The following ASPRV1 variants were observed in gnomAD, a reference collection of about 807,000 sequenced individuals.
ASPRV1 encodes the protein retroviral-like aspartic protease 1.
ASPRV1 carries 7 observed loss-of-function variants against 11.0 expected under a neutral mutation model. The observed-to-expected ratio is 0.64, with a 90% CI of 0.36 to 1.20. ASPRV1 has a LOEUF of 1.20. ASPRV1 is among the 50% of genes most tolerant of loss of function. The probability of loss-of-function intolerance (pLI) is 0.02; values close to 1 mark genes in which losing one functional copy is unlikely to be tolerated. For synonymous variants in ASPRV1, 136 were observed against 138.4 expected, an observed-to-expected ratio of 0.98 and a Z score of 0.12; for missense variants, 299 against 320.0, an observed-to-expected ratio of 0.93 and a Z score of 0.50.
chr2:70,004,473 T>C, the ASPRV1 span, among the ~76,000 whole-genome samples: 2 of 138,610 alleles, frequency 1.4e-5, no homozygotes, highest in Non-Finnish European at 3.0e-5. Context: ...GAGGTTGCAG[T>C]GAGCTGAGAT....
In ASPRV1 at chr2:69,961,441, C is replaced by T. The variant is rs764164461; in HGVS notation, c.-5G>A. On this transcript the variant is annotated 5_prime_UTR_variant, in exon 1 of 1. Coordinates refer to ENST00000320256, the MANE Select transcript of ASPRV1 (RefSeq NM_152792.4). ...CCTGGCTCCGCTCCCGGCCATCCTGCTGCTCTCCTCTGGAACCTCAGCAGC... is the reference window on the plus strand; with the variant it reads ...CCTGGCTCCGCTCCCGGCCATCCTGTTGCTCTCCTCTGGAACCTCAGCAGC... The T allele has an allele frequency of 1.9e-6, 3 of 1,614,124 alleles. No homozygotes were observed. The highest frequency in any genetic ancestry group is 1.6e-4 in the Middle Eastern group (1 of 6,062).
At chr2:70,019,999 T>C in the ASPRV1 span, among the ~76,000 whole-genome samples, 1 of 152,176 alleles carries the variant, frequency 6.6e-6, no homozygotes. Context: ...TATATATATA[T>C]ATATCAATAT....
At chr2:70,075,764 G>C in the ASPRV1 span, among the ~76,000 whole-genome samples, 1 of 152,120 alleles carries the variant, frequency 6.6e-6, no homozygotes, top group South Asian at 2.1e-4. Flanking sequence ...CAGGAGAATT[G>C]CCTGAACCCG....
At chr2:70,005,406 A>G in the ASPRV1 span, among the ~76,000 whole-genome samples, 1 of 152,000 alleles carries the variant, frequency 6.6e-6, no homozygotes, top group African/African-American at 2.4e-5. Context: ...TTCTACATCC[A>G]CTTTTATCTA....
chr2:70,051,740 G>A, the ASPRV1 span, among the ~76,000 whole-genome samples: 1 of 152,162 alleles, frequency 6.6e-6, no homozygotes, highest in African/African-American at 2.4e-5. Context: ...TTGGGAGGCT[G>A]AGGAGGGAGG....
the ASPRV1 span, among the ~76,000 whole-genome samples, chr2:69,994,444 G>T: frequency 6.6e-6 from 1 of 152,208 alleles, no homozygotes. Flanking sequence ...AAAGAGCAGA[G>T]CCCCTCAGGG....
chr2:69,938,412 T>C, the ASPRV1 span: 2 of 930,622 alleles, frequency 2.1e-6, no homozygotes, highest in Admixed American at 5.3e-5. Context: ...AAATCAGCTT[T>C]GTAACTGTTT....
chr2:70,044,673 G>C, the ASPRV1 span, among the ~76,000 whole-genome samples: 1 of 151,972 alleles, frequency 6.6e-6, no homozygotes, highest in African/African-American at 2.4e-5. Flanking sequence ...TGGTCAGGCT[G>C]GTCTCAAACT....
chr2:70,071,356 T>C, the ASPRV1 span, among the ~76,000 whole-genome samples: 1 of 152,232 alleles, frequency 6.6e-6, no homozygotes, highest in East Asian at 1.9e-4. Context: ...AAACTGCAAA[T>C]ATGTCTTACA....
the ASPRV1 span, among the ~76,000 whole-genome samples, chr2:70,033,488 T>G: frequency 6.6e-6 from 1 of 152,094 alleles, no homozygotes; most frequent in African/African-American, 2.4e-5. Flanking sequence ...CAAAACAACT[T>G]AGCTCTCCAC....
At chr2:69,984,684 G>C in the ASPRV1 span, among the ~76,000 whole-genome samples, 1 of 122,862 alleles carries the variant, frequency 8.1e-6, no homozygotes, top group Non-Finnish European at 1.6e-5. Flanking sequence ...GCAATATTGC[G>C]ATCTCGGCTC....
the ASPRV1 span, among the ~76,000 whole-genome samples, chr2:70,018,506 ACTGT>A: frequency 6.6e-6 from 1 of 152,206 alleles, no homozygotes; most frequent in Non-Finnish European, 1.5e-5. Flanking sequence ...GAGGTATCAT[ACTGT>A]CTGTCTCCAA....
chr2:70,023,409 C>T, the ASPRV1 span, among the ~76,000 whole-genome samples: 1 of 152,162 alleles, frequency 6.6e-6, no homozygotes, highest in African/African-American at 2.4e-5. Context: ...GGTGACCTCC[C>T]GGCTGTAGCC....
chr2:70,016,611 C>T, the ASPRV1 span, among the ~76,000 whole-genome samples: 2 of 152,052 alleles, frequency 1.3e-5, no homozygotes, highest in Admixed American at 6.6e-5. Flanking sequence ...CTTTGGGAGG[C>T]GAAGGCAGGC....
the ASPRV1 span, among the ~76,000 whole-genome samples, chr2:70,068,125 C>G: frequency 1.3e-5 from 2 of 152,194 alleles, no homozygotes; most frequent in East Asian, 3.9e-4. Context: ...GCTATAGCCC[C>G]AGGAGGAGAG....
chr2:70,001,568 A>G, the ASPRV1 span, among the ~76,000 whole-genome samples: 3 of 151,838 alleles, frequency 2.0e-5, no homozygotes, highest in East Asian at 5.8e-4. Context: ...GACCAGCCTG[A>G]CCAACATGGT....
downstream of ASPRV1, among the ~76,000 whole-genome samples, chr2:69,957,140 G>C (rs1455408211): frequency 6.6e-6 from 1 of 152,206 alleles, no homozygotes; most frequent in Non-Finnish European, 1.5e-5. Context: ...TATTACATCA[G>C]TGAACTTCCT....
the ASPRV1 span, among the ~76,000 whole-genome samples, chr2:70,001,746 G>A: frequency 6.6e-6 from 1 of 152,032 alleles, no homozygotes; most frequent in South Asian, 2.1e-4. Context: ...AGCAGCAAGA[G>A]CGAAACTCCA....
At chr2:69,998,660 C>T in the ASPRV1 span, among the ~76,000 whole-genome samples, 831 of 150,216 alleles carry the variant, frequency 5.5e-3, 7 homozygotes, top group Middle Eastern at 0.021. Flanking sequence ...ACCCGGGAGG[C>T]GGATCTTGCA....
Sources: gnomAD v4.1 joint callset for allele counts (sites outside exome capture counted in the v4.1 genomes callset) on GRCh38, gnomAD v4.1.1 for gene constraint, MANE v1.5 for transcripts, NCBI Gene and HGNC (gene_info 2026-07-23, HGNC 2026-07-21) for gene names.